Variants in ZNF407 observed in about 807,000 individuals in gnomAD.
The protein encoded by ZNF407 is zinc finger protein 407.
In ZNF407, 17 loss-of-function variants were observed where a neutral mutation model predicts 131.2. The ratio of observed to expected loss-of-function variants is 0.13; its 90% CI spans 0.09 to 0.19. The LOEUF (loss-of-function observed/expected upper bound fraction) is 0.19. Ranked by LOEUF, ZNF407 falls within the 10% of genes least tolerant of loss-of-function variation. ZNF407 has a pLI of 1.00. For missense variants in ZNF407, 2,681 were observed against 2,830.6 expected (o/e 0.95, Z 1.20); for synonymous variants, 1,156 against 1,062.0 (o/e 1.09, Z -1.72).
At chr18:74,756,453 G>A (rs1968965582) in intron 3 of ZNF407, among the ~76,000 whole-genome samples, 1 of 151,924 alleles carries the variant, frequency 6.6e-6, no homozygotes, top group South Asian at 2.1e-4. Context: ...CATGAACATG[G>A]GATTTCTTTC....
chr18:74,781,475 A>G lies in ZNF407; in HGVS notation c.4850A>G (p.Lys1617Arg). The change falls in exon 4 of 9, where the codon AAG (lysine) becomes AGG (arginine). Residue 1617 changes from lysine (K) to arginine (R), a missense_variant. By Grantham distance (26) the Lys-to-Arg change is conservative (BLOSUM62 2). This residue lies in a region of ZNF407 where 213 missense variants were observed against 332.2 expected (regional missense o/e 0.64). Coordinates refer to ENST00000299687, the MANE Select transcript of ZNF407 (RefSeq NM_017757.3). ...CACTTAAATACTCATCTACTAGGCA[A>G]GCATGGAGTTGGCACCCCAAAAGAA... Reference protein sequence around the residue: ...KKHLNTHLLGKHGVGTPKERK... With the variant: ...KKHLNTHLLGRHGVGTPKERK... 1.9e-6 allele frequency: 3 copies of G among 1,542,818 alleles called. No homozygotes were observed. The highest frequency in any genetic ancestry group is 2.6e-6 in the Non-Finnish European group (3 of 1,145,032).
intron 8 of ZNF407, among the ~76,000 whole-genome samples, chr18:74,979,480 C>T (rs770918920): frequency 1.1e-4 from 17 of 152,080 alleles, no homozygotes; most frequent in Non-Finnish European, 1.5e-4. Context: ...TTAGTAAAGA[C>T]GGGGTTTCGC....
rs1973657589 is a variant in ZNF407 at position 75,063,093 on chromosome 18, T to G, written c.5429-57T>G. ...GAGCGCTTCTGCAGAAGAAGTGTCT[T>G]ACTTGTAAGCCTACGAGTACTTTTT... is the stretch of plus-strand genomic sequence containing the variant. On this transcript the variant is annotated intron_variant, in intron 8 of 8. Transcript: ENST00000299687. This position sits in a 1 kb window ranked among gnomAD's most constrained non-coding sequence, Gnocchi z 6.6. The G allele has an allele frequency of 2.0e-6, 3 of 1,477,032 alleles. No individual in the cohort carries two copies. Among genetic ancestry groups the G allele is most frequent in the Non-Finnish European group, 2.7e-6 (3 of 1,096,324 alleles). 91.5% of individuals were successfully genotyped at this position (1,477,032 alleles called of 1,614,324 possible). A position where few individuals can be genotyped will look rare whatever the true frequency, so the allele number is the denominator to read the frequency against.
intron 4 of ZNF407, among the ~76,000 whole-genome samples, chr18:74,812,269 G>A (rs1380303924): frequency 2.6e-5 from 4 of 152,106 alleles, no homozygotes; most frequent in Admixed American, 2.6e-4. Context: ...ATTTATTTGA[G>A]AAGGTTGTGA....
chr18:74,991,138 A>T (rs148863365), intron 8 of ZNF407, among the ~76,000 whole-genome samples: 1 of 152,352 alleles, frequency 6.6e-6, no homozygotes, highest in East Asian at 1.9e-4. Context: ...TTACCTGCTT[A>T]TAACAATTCA....
intron 3 of ZNF407, among the ~76,000 whole-genome samples, chr18:74,690,955 A>G (rs1276117206): frequency 1.3e-5 from 2 of 152,212 alleles, no homozygotes; most frequent in Non-Finnish European, 2.9e-5. Context: ...TATTCTTCGT[A>G]TGCTTCAAAA....
intron 8 of ZNF407, among the ~76,000 whole-genome samples, chr18:74,944,424 G>T (rs184001370): frequency 6.6e-6 from 1 of 152,144 alleles, no homozygotes; most frequent in Non-Finnish European, 1.5e-5. Context: ...CATCAAAGAT[G>T]TATGGCCACC....
At chr18:74,618,028 C>A (rs1700908186) in intron 1 of ZNF407, among the ~76,000 whole-genome samples, 2 of 152,310 alleles carry the variant, frequency 1.3e-5, no homozygotes. Context: ...TCCATCTCTC[C>A]ATCTGCCTGT....
chr18:75,036,647 G>T (rs1416190817), intron 8 of ZNF407, among the ~76,000 whole-genome samples: 6 of 152,196 alleles, frequency 3.9e-5, no homozygotes, highest in Non-Finnish European at 5.9e-5. Context: ...ACTTAGGCAT[G>T]CAATGTACAA....
intron 8 of ZNF407, among the ~76,000 whole-genome samples, chr18:74,971,573 A>T (rs376230158): frequency 1.2e-4 from 19 of 152,340 alleles, no homozygotes; most frequent in African/African-American, 2.4e-4. Context: ...CCTTTACTCC[A>T]GTTCTCAACA....
At chr18:74,706,613 T>A (rs542190299) in intron 3 of ZNF407, among the ~76,000 whole-genome samples, 100 of 152,314 alleles carry the variant, frequency 6.6e-4, no homozygotes, top group African/African-American at 2.0e-3. Flanking sequence ...TTTAGGGGTG[T>A]CAGAAAATGA....
At chr18:74,608,014 G>A (rs2144613520) in intron 1 of ZNF407, among the ~76,000 whole-genome samples, 1 of 152,280 alleles carries the variant, frequency 6.6e-6, no homozygotes, top group Non-Finnish European at 1.5e-5. Flanking sequence ...TTATGTTAGA[G>A]TCAATAATCC....
chr18:75,047,900 T>TA (rs1344466740), intron 8 of ZNF407, among the ~76,000 whole-genome samples: 2 of 152,180 alleles, frequency 1.3e-5, no homozygotes, highest in Non-Finnish European at 2.9e-5. Flanking sequence ...TTGAGAAAAA[T>TA]ACCTGATGAC....
intron 8 of ZNF407, among the ~76,000 whole-genome samples, chr18:75,027,613 A>G (rs1247874468): frequency 1.3e-5 from 2 of 152,214 alleles, no homozygotes; most frequent in African/African-American, 2.4e-5. Context: ...ATCTTGAGCT[A>G]TGTGCAAGTG....
intron 3 of ZNF407, among the ~76,000 whole-genome samples, chr18:74,779,638 A>G (rs1423242913): frequency 2.0e-5 from 3 of 151,616 alleles, no homozygotes; most frequent in Admixed American, 6.5e-5. Flanking sequence ...AGAGACACTC[A>G]GCACGTTAGG....
intron 8 of ZNF407, among the ~76,000 whole-genome samples, chr18:75,030,062 T>G (rs1043580971): frequency 6.6e-6 from 1 of 152,202 alleles, no homozygotes; most frequent in African/African-American, 2.4e-5. Context: ...AAGAGTTATA[T>G]AAAACAAGTT....
chr18:74,736,076 C>T (rs182044184), intron 3 of ZNF407, among the ~76,000 whole-genome samples: 59 of 152,254 alleles, frequency 3.9e-4, no homozygotes, highest in African/African-American at 1.2e-3. Context: ...ATGCTAAGGA[C>T]GAGACCTAGT....
chr18:74,745,145 C>G (rs1376402165), intron 3 of ZNF407, among the ~76,000 whole-genome samples: 2 of 152,026 alleles, frequency 1.3e-5, no homozygotes, highest in Admixed American at 1.3e-4. Flanking sequence ...TTCTTAAGAT[C>G]AGTTTTAAAA....
intron 3 of ZNF407, among the ~76,000 whole-genome samples, chr18:74,688,684 A>G (rs1599070699): frequency 6.6e-6 from 1 of 152,044 alleles, no homozygotes; most frequent in Non-Finnish European, 1.5e-5. Context: ...ATTTATTTTG[A>G]GTTAATTTTT....
Sources: allele counts gnomAD v4.1 joint callset (sites outside exome capture counted in the v4.1 genomes callset), GRCh38; gene constraint gnomAD v4.1.1; regional missense constraint gnomAD v4.1.1; non-coding constraint Gnocchi (gnomAD v3.1); transcripts MANE v1.5; gene names NCBI Gene and HGNC (gene_info 2026-07-23, HGNC 2026-07-21).